Variants in DENND1A observed in about 807,000 individuals in gnomAD.
DENND1A encodes the protein DENN domain-containing protein 1A.
In DENND1A, 51 loss-of-function variants were observed where a neutral mutation model predicts 113.7. The observed-to-expected ratio is 0.45, with a 90% CI of 0.36 to 0.57. DENND1A has a LOEUF of 0.57. Ranked by LOEUF, DENND1A falls within the 20% of genes least tolerant of loss-of-function variation. The pLI, the probability that DENND1A is intolerant of heterozygous loss-of-function variation, is 0.00. For missense variants in DENND1A, 1,258 were observed against 1,395.9 expected (o/e 0.90, Z 1.57); for synonymous variants, 565 against 570.8 (o/e 0.99, Z 0.14).
Position 123,691,492 on chromosome 9 carries a change from G to A in DENND1A, c.303-14703C>T, listed in dbSNP as rs142397640. Among the ~76,000 whole-genome samples the A allele has an allele frequency of 2.0e-5, 3 of 152,016 alleles. No homozygotes were observed. In the East Asian group the frequency reaches 5.8e-4, roughly 29 times the overall value. ...AAACAAAGAATTACAAATGGCTCGG[G>A]GTTACTGGATCCCAGAGTAAGGGTA... On this transcript the variant is annotated intron_variant, in intron 5 of 23. Transcript: ENST00000394215.
chr9:123,867,246 G>A (rs1845915892), intron 2 of DENND1A, among the ~76,000 whole-genome samples: 1 of 151,930 alleles, frequency 6.6e-6, no homozygotes, highest in Non-Finnish European at 1.5e-5. Context: ...ACTTCCTAAA[G>A]GTTTTTTTAA....
intron 13 of DENND1A, among the ~76,000 whole-genome samples, chr9:123,462,756 C>A (rs887202100): frequency 6.6e-6 from 1 of 152,182 alleles, no homozygotes; most frequent in Non-Finnish European, 1.5e-5. Context: ...AAGATCACAC[C>A]ATTGCACTCC....
intron 1 of DENND1A, among the ~76,000 whole-genome samples, chr9:123,896,145 T>TA (rs890740595): frequency 2.0e-5 from 3 of 149,936 alleles, no homozygotes; most frequent in South Asian, 2.1e-4. Flanking sequence ...CAGGAAAAAA[T>TA]AAAAAAAAAT....
At chr9:123,804,081 T>C (rs1835141051) in intron 2 of DENND1A, among the ~76,000 whole-genome samples, 1 of 152,260 alleles carries the variant, frequency 6.6e-6, no homozygotes, top group Non-Finnish European at 1.5e-5. Context: ...CCACATGTTA[T>C]GGGAGGAACC....
intron 1 of DENND1A, among the ~76,000 whole-genome samples, chr9:123,927,784 G>A (rs1857355315): frequency 2.0e-5 from 3 of 152,168 alleles, no homozygotes; most frequent in Admixed American, 2.0e-4. Context: ...TGCACACTTA[G>A]ATTTCACCAC....
chr9:123,382,907 G>A lies in DENND1A; in HGVS notation c.2020-282C>T, dbSNP rs181823656. Among the ~76,000 whole-genome samples the A allele has an allele frequency of 3.9e-4, 60 of 152,132 alleles. No individual in the cohort carries two copies. In the East Asian group the frequency reaches 9.1e-3, roughly 23 times the overall value. On this transcript the variant is annotated intron_variant, in intron 23 of 23. Coordinates refer to ENST00000394215, the MANE Select transcript of DENND1A (RefSeq NM_001352964.2). ...TTTTAGGAAAGTGACTCCAGCTACC[G>A]GCTGGCCCTTTTTACTTTTTAGATC...
At chr9:123,709,862 G>C (rs2066468491) in intron 5 of DENND1A, among the ~76,000 whole-genome samples, 1 of 152,190 alleles carries the variant, frequency 6.6e-6, no homozygotes, top group African/African-American at 2.4e-5. Context: ...TTGAATAATG[G>C]GAAGAGGGGT....
intron 19 of DENND1A, chr9:123,413,279 AGATT>A: frequency 2.2e-6 from 1 of 448,572 alleles, no homozygotes; most frequent in Non-Finnish European, 2.9e-6. Context: ...AATAATTTTT[AGATT>A]GATTACATGT....
intron 9 of DENND1A, among the ~76,000 whole-genome samples, chr9:123,646,060 T>C (rs528546464): frequency 6.6e-6 from 1 of 152,320 alleles, no homozygotes; most frequent in Non-Finnish European, 1.5e-5. Context: ...CTTCATGACG[T>C]TTACATTCCA....
intron 5 of DENND1A, among the ~76,000 whole-genome samples, chr9:123,745,794 T>C (rs894654183): frequency 6.6e-6 from 1 of 152,128 alleles, no homozygotes; most frequent in South Asian, 2.1e-4. Flanking sequence ...TTTCATAAGA[T>C]TGCTATAAAA....
At chr9:123,400,348 C>G (rs141758078) in intron 21 of DENND1A, 2 of 152,324 alleles carry the variant, frequency 1.3e-5, no homozygotes, top group African/African-American at 4.8e-5. Context: ...AAAAATCGTC[C>G]GTGCTTGCGC....
intron 13 of DENND1A, among the ~76,000 whole-genome samples, chr9:123,540,602 T>A (rs544786220): frequency 6.6e-6 from 1 of 152,192 alleles, no homozygotes; most frequent in Non-Finnish European, 1.5e-5. Flanking sequence ...ACAGAGACCC[T>A]CCTTTAGGAC....
chr9:123,769,096 G>A (rs1044988566), intron 4 of DENND1A, among the ~76,000 whole-genome samples: 2 of 152,054 alleles, frequency 1.3e-5, no homozygotes, highest in Middle Eastern at 3.2e-3. Context: ...ATAGGGCTAG[G>A]CTGATTTAAA....
chr9:123,751,006 A>T (rs575890098), intron 5 of DENND1A, among the ~76,000 whole-genome samples: 10 of 151,092 alleles, frequency 6.6e-5, no homozygotes, highest in South Asian at 2.1e-4. Context: ...CCTCCCAAAC[A>T]CTTATTTTAA....
At chr9:123,664,746 T>C (rs2063412336) in intron 8 of DENND1A, among the ~76,000 whole-genome samples, 1 of 152,208 alleles carries the variant, frequency 6.6e-6, no homozygotes, top group African/African-American at 2.4e-5. Flanking sequence ...TAATTTATTA[T>C]TATAGTTTTC....
intron 13 of DENND1A, among the ~76,000 whole-genome samples, chr9:123,552,458 T>A (rs887423287): frequency 3.3e-5 from 5 of 152,230 alleles, no homozygotes. Context: ...GGAGCCCGCT[T>A]AGGTCCCTCA....
intron 5 of DENND1A, among the ~76,000 whole-genome samples, chr9:123,755,620 T>C (rs1008404146): frequency 6.6e-6 from 1 of 152,146 alleles, no homozygotes; most frequent in Non-Finnish European, 1.5e-5. Context: ...CTTCCACCTC[T>C]TCCACCTCTG....
At chr9:123,525,855 C>T (rs920320811) in intron 13 of DENND1A, among the ~76,000 whole-genome samples, 1 of 150,252 alleles carries the variant, frequency 6.7e-6, no homozygotes, top group East Asian at 2.0e-4. Flanking sequence ...ACCTCCCAGG[C>T]TCCAGTGATT....
chr9:123,922,062 A>G (rs931578705), intron 1 of DENND1A, among the ~76,000 whole-genome samples: 3 of 151,996 alleles, frequency 2.0e-5, no homozygotes, highest in African/African-American at 7.2e-5. Context: ...CCTCCCAAGT[A>G]GCTGGGACCA....
Sources: gnomAD v4.1 joint callset for allele counts (sites outside exome capture counted in the v4.1 genomes callset) on GRCh38, gnomAD v4.1.1 for gene constraint, MANE v1.5 for transcripts, NCBI Gene and HGNC (gene_info 2026-07-23, HGNC 2026-07-21) for gene names.